Variants in REEP1 observed in about 807,000 individuals in gnomAD.
The protein encoded by REEP1 is receptor expression-enhancing protein 1.
A neutral mutation model predicts 40.3 loss-of-function variants in REEP1; 22 were observed. The ratio of observed to expected loss-of-function variants is 0.55; its 90% CI spans 0.39 to 0.78. The LOEUF is 0.78. Ranked by LOEUF, REEP1 falls within the 30% of genes least tolerant of loss-of-function variation. The pLI, the probability that REEP1 is intolerant of heterozygous loss-of-function variation, is 0.00. For synonymous variants in REEP1, 116 were observed against 139.2 expected, an observed-to-expected ratio of 0.83 and a Z score of 1.17; for missense variants, 280 against 361.1, an observed-to-expected ratio of 0.78 and a Z score of 1.82.
chr2:86,257,824 G>C (rs1192965850), intron 3 of REEP1, among the ~76,000 whole-genome samples: 1 of 152,096 alleles, frequency 6.6e-6, no homozygotes, highest in East Asian at 1.9e-4. Flanking sequence ...TTTTAGTAGA[G>C]ACGGGGGTTT....
rs1038400596 is a variant in REEP1 at position 86,216,689 on chromosome 2, T to A, written c.*350A>T. On this transcript the variant is annotated 3_prime_UTR_variant, in exon 9 of 9. Transcript: ENST00000538924. ...GACTAAAAACTAAGTATGCAACAGA[T>A]AAATTACAAATGTACATCTCAGCAG... 4.7e-6 allele frequency: 1 copy of A among 211,338 alleles called. No individual in the cohort carries two copies. The highest frequency in any genetic ancestry group is 5.3e-5 in the Admixed American group (1 of 18,968). The allele number at this position is 211,338 out of a possible 1,614,324, so 13.1% of individuals were successfully genotyped here. A position where few individuals can be genotyped will look rare whatever the true frequency, so the allele number is the denominator to read the frequency against.
At position 86,337,521 on chromosome 2, in the gene REEP1, C is replaced by T. The variant is rs2104561740; in HGVS notation, c.-11G>A. The stretch of plus-strand genomic sequence containing the variant: ...GATCCATGACACCATGGCGGGCAGG[C>T]GGGCGGGCGAGGCCCGGGCGGCGCG... On this transcript the variant is annotated 5_prime_UTR_variant, in exon 1 of 9. Coordinates refer to ENST00000538924, the MANE Select transcript of REEP1 (RefSeq NM_001371279.1). The surrounding 1 kb of genome is among the most constrained non-coding windows in gnomAD (Gnocchi z 5.8). 1.6e-6 allele frequency: 2 copies of T among 1,273,936 alleles called. No homozygotes were observed. Among genetic ancestry groups the T allele is most frequent in the Non-Finnish European group, 1.0e-6 (1 of 1,004,710 alleles). The allele number at this position is 1,273,936 out of a possible 1,614,324, so 78.9% of individuals were successfully genotyped here. A position where few individuals can be genotyped will look rare whatever the true frequency, so the allele number is the denominator to read the frequency against.
chr2:86,334,126 G>A (rs896015772), intron 1 of REEP1, among the ~76,000 whole-genome samples: 7 of 152,170 alleles, frequency 4.6e-5, no homozygotes, highest in Non-Finnish European at 8.8e-5. Flanking sequence ...CCATGGCAGG[G>A]ATAAAGCGGT....
intron 1 of REEP1, among the ~76,000 whole-genome samples, chr2:86,284,509 A>G (rs945386270): frequency 2.6e-5 from 4 of 152,322 alleles, no homozygotes; most frequent in African/African-American, 9.6e-5. Flanking sequence ...CTTGGGACTG[A>G]GGTCTCGGTA....
At chr2:86,305,792 A>G (rs1679454227) in intron 1 of REEP1, among the ~76,000 whole-genome samples, 1 of 151,788 alleles carries the variant, frequency 6.6e-6, no homozygotes, top group South Asian at 2.1e-4. Flanking sequence ...GCCCTTCCTT[A>G]TTACTCTCAC....
intron 5 of REEP1, among the ~76,000 whole-genome samples, chr2:86,251,085 A>G (rs968177593): frequency 6.6e-6 from 1 of 152,166 alleles, no homozygotes; most frequent in Non-Finnish European, 1.5e-5. Flanking sequence ...AATCATCAGC[A>G]TAACTGCCTT....
chr2:86,306,064 CA>C (rs1679466493), intron 1 of REEP1, among the ~76,000 whole-genome samples: 1 of 152,110 alleles, frequency 6.6e-6, no homozygotes, highest in African/African-American at 2.4e-5. Flanking sequence ...TTAAAACTGC[CA>C]AACTTTTTTT....
intron 2 of REEP1, among the ~76,000 whole-genome samples, chr2:86,266,708 C>A (rs1184739694): frequency 6.7e-6 from 1 of 148,976 alleles, no homozygotes. Context: ...AGCACACACA[C>A]AAAAAAACAA....
intron 2 of REEP1, among the ~76,000 whole-genome samples, chr2:86,276,511 G>A (rs1476189909): frequency 1.3e-5 from 2 of 152,318 alleles, no homozygotes; most frequent in East Asian, 1.9e-4. Context: ...ATGCTTTGGG[G>A]AGTCATTGAT....
intron 1 of REEP1, among the ~76,000 whole-genome samples, chr2:86,332,479 A>C (rs1680820918): frequency 6.7e-6 from 1 of 150,104 alleles, no homozygotes; most frequent in Admixed American, 6.7e-5. Flanking sequence ...ACACACGTTC[A>C]CTCACATACA....
intron 1 of REEP1, among the ~76,000 whole-genome samples, chr2:86,316,266 C>T (rs1275543752): frequency 2.6e-5 from 4 of 152,032 alleles, no homozygotes; most frequent in South Asian, 2.1e-4. Flanking sequence ...GGGCCAGGTG[C>T]GGTGGTTCAC....
In REEP1 at chr2:86,226,690, G is replaced by A. The variant is rs1309575976; in HGVS notation, c.631+673C>T. ...TTGCTATATTGCCCAGGTTGGTCTC[G>A]AACTCCTGGGCTCAAGAAATCCTCC... is the stretch of plus-strand genomic sequence containing the variant. On this transcript the variant is annotated intron_variant, in intron 7 of 8. Coordinates refer to ENST00000538924, the MANE Select transcript of REEP1 (RefSeq NM_001371279.1). 7.4e-5 allele frequency among the ~76,000 whole-genome samples: 11 copies of A among 149,046 alleles called. No homozygotes were observed. In the South Asian group the frequency reaches 8.4e-4, roughly 11 times the overall value.
intron 1 of REEP1, among the ~76,000 whole-genome samples, chr2:86,314,596 G>C (rs1018075805): frequency 6.6e-6 from 1 of 151,782 alleles, no homozygotes; most frequent in Admixed American, 6.6e-5. Flanking sequence ...TGGGCAGGTA[G>C]AAGCCACAGG....
At chr2:86,237,377 T>G (rs1228509855) in intron 5 of REEP1, among the ~76,000 whole-genome samples, 1 of 152,220 alleles carries the variant, frequency 6.6e-6, no homozygotes, top group Non-Finnish European at 1.5e-5. Flanking sequence ...TGATATGGCA[T>G]GGTCATAAGT....
intron 1 of REEP1, among the ~76,000 whole-genome samples, chr2:86,326,854 A>G (rs1475602542): frequency 6.6e-6 from 1 of 152,244 alleles, no homozygotes; most frequent in Non-Finnish European, 1.5e-5. Context: ...CAGCAAGCCA[A>G]AGATTTATCT....
upstream of REEP1, chr2:86,337,962 T>C (rs1333493468): frequency 4.2e-6 from 6 of 1,437,356 alleles, no homozygotes; most frequent in African/African-American, 8.5e-5. The surrounding 1 kb of genome is among the most constrained non-coding windows in gnomAD (Gnocchi z 5.8). Context: ...TGTCTGCACC[T>C]GTCTAGGTGG....
chr2:86,244,464 G>A (rs372215162), intron 5 of REEP1, among the ~76,000 whole-genome samples: 54 of 152,264 alleles, frequency 3.5e-4, no homozygotes, highest in South Asian at 1.7e-3. Context: ...TATAACCAAC[G>A]CTTGGCTATC....
chr2:86,224,994 A>C (rs937146413), intron 7 of REEP1, among the ~76,000 whole-genome samples: 2 of 152,204 alleles, frequency 1.3e-5, no homozygotes, highest in Non-Finnish European at 2.9e-5. Context: ...GAATTTGCAG[A>C]CTCAAAACTA....
intron 1 of REEP1, among the ~76,000 whole-genome samples, chr2:86,300,399 A>G (rs1045062529): frequency 6.6e-6 from 1 of 152,172 alleles, no homozygotes; most frequent in Non-Finnish European, 1.5e-5. Context: ...TCTGTCTCAC[A>G]GGAATTGGCA....
Sources: allele counts gnomAD v4.1 joint callset (sites outside exome capture counted in the v4.1 genomes callset), GRCh38; gene constraint gnomAD v4.1.1; non-coding constraint Gnocchi (gnomAD v3.1); transcripts MANE v1.5; gene names NCBI Gene and HGNC (gene_info 2026-07-23, HGNC 2026-07-21).